RBKS: variants seen among roughly 807,000 people sequenced by gnomAD.
RBKS encodes ribokinase.
Under a neutral mutation model 33.9 loss-of-function variants are expected in RBKS, and 33 were observed. The observed-to-expected ratio is 0.97, with a 90% CI of 0.74 to 1.30. RBKS has a LOEUF of 1.30. Ranked by LOEUF, RBKS falls within the 50% of genes most tolerant of loss-of-function variation. RBKS has a pLI of 0.00. For missense variants in RBKS, 361 were observed against 392.6 expected (o/e 0.92, Z 0.68); for synonymous variants, 125 against 143.0 (o/e 0.87, Z 0.90).
Position 27,781,489 on chromosome 2 carries a change from CTT to C in RBKS, c.*124_*125del. On this transcript the variant is annotated 3_prime_UTR_variant, in exon 8 of 8. Coordinates refer to ENST00000302188, the MANE Select transcript of RBKS (RefSeq NM_022128.3). ...TAAATAAATTGAAGCTTGAGGATGACTTCGTAAAAGAACTAATATTTGCAAAG... is the reference window on the plus strand; with the variant it reads ...TAAATAAATTGAAGCTTGAGGATGACCGTAAAAGAACTAATATTTGCAAAG... 1.4e-6 allele frequency: 1 copy of C among 715,776 alleles called. No individual in the cohort carries two copies. The highest frequency in any genetic ancestry group is 2.3e-5 in the South Asian group (1 of 43,120). 44.3% of individuals were successfully genotyped at this position (715,776 alleles called of 1,614,324 possible).
chr2:27,796,623 C>T (rs193039537), intron 7 of RBKS, among the ~76,000 whole-genome samples: 5 of 152,148 alleles, frequency 3.3e-5, no homozygotes, highest in Admixed American at 2.6e-4. Context: ...AAAACTGGCC[C>T]CATGGAATAC....
At chr2:27,859,798 A>G (rs1345046559) in intron 1 of RBKS, among the ~76,000 whole-genome samples, 1 of 152,214 alleles carries the variant, frequency 6.6e-6, no homozygotes, top group Non-Finnish European at 1.5e-5. Context: ...TACAGGTTAG[A>G]AATTTATATT....
At chr2:27,785,778 A>G (rs1263790515) in intron 7 of RBKS, among the ~76,000 whole-genome samples, 2 of 151,938 alleles carry the variant, frequency 1.3e-5, no homozygotes, top group Non-Finnish European at 2.9e-5. Flanking sequence ...AAAAAAAAGA[A>G]AGAAAGAAAA....
At chr2:27,862,619 C>T (rs182139455) in intron 1 of RBKS, among the ~76,000 whole-genome samples, 4 of 152,300 alleles carry the variant, frequency 2.6e-5, no homozygotes, top group Admixed American at 1.3e-4. Context: ...AGCCAGTGGT[C>T]AACTTGCAAA....
At chr2:27,845,543 A>G (rs2148212860) in intron 4 of RBKS, among the ~76,000 whole-genome samples, 1 of 152,244 alleles carries the variant, frequency 6.6e-6, no homozygotes, top group South Asian at 2.1e-4. Context: ...CAACAACAAC[A>G]ACAACAACAA....
intron 5 of RBKS, among the ~76,000 whole-genome samples, chr2:27,839,037 G>A (rs772604111): frequency 6.6e-5 from 10 of 152,150 alleles, no homozygotes; most frequent in East Asian, 1.9e-4. Context: ...CAGAGAAACC[G>A]GGGAAGAAAA....
At chr2:27,870,231 C>T (rs958627190) in intron 1 of RBKS, 2 of 152,932 alleles carry the variant, frequency 1.3e-5, no homozygotes, top group Non-Finnish European at 2.9e-5. Context: ...CCCATGTTCA[C>T]TTGTCACCCC....
At chr2:27,809,577 C>T (rs1383631674) in intron 7 of RBKS, 3 of 189,638 alleles carry the variant, frequency 1.6e-5, no homozygotes, top group African/African-American at 7.1e-5. Context: ...AAAGGTTGGC[C>T]TTTTGCCTTT....
intron 1 of RBKS, among the ~76,000 whole-genome samples, chr2:27,879,833 T>G (rs1188841484): frequency 6.6e-6 from 1 of 152,034 alleles, no homozygotes; most frequent in African/African-American, 2.4e-5. Context: ...GCTCCGAAAC[T>G]GAATCAGTAA....
chr2:27,806,221 A>C (rs1277492403), intron 7 of RBKS, among the ~76,000 whole-genome samples: 1 of 152,224 alleles, frequency 6.6e-6, no homozygotes, highest in East Asian at 1.9e-4. Context: ...AGCATTTTGT[A>C]GCTACTAGTC....
intron 1 of RBKS, chr2:27,889,873 T>A (rs1467881385): frequency 5.0e-6 from 1 of 198,176 alleles, no homozygotes; most frequent in Non-Finnish European, 1.0e-5. Context: ...ACAACAACCC[T>A]GTGAGGTAGG....
In RBKS at chr2:27,781,778, T is replaced by A; in HGVS notation, c.806A>T (p.Asp269Val). Residue 269 changes from aspartate to valine, a missense_variant, in exon 8 of 8, where the codon GAC (aspartate) becomes GTC (valine). Physicochemically the swap from Asp to Val is radical, Grantham distance 152. Coordinates refer to ENST00000302188, the MANE Select transcript of RBKS (RefSeq NM_022128.3). ...GAAGGCCAGAGCTCCCACAAAGCTG[T>A]CACCAGCACCCTGTAATTGAAAGCA... The part of the protein sequence containing the change: ...VKAVDTTGAG[D>V]SFVGALAFYL... 6.2e-7 allele frequency: 1 copy of A among 1,611,594 alleles called. No individual in the cohort carries two copies. Among genetic ancestry groups the A allele is most frequent in the Non-Finnish European group, 8.5e-7 (1 of 1,178,990 alleles).
At chr2:27,851,514 G>A (rs762783212) in intron 2 of RBKS, among the ~76,000 whole-genome samples, 28 of 151,756 alleles carry the variant, frequency 1.8e-4, no homozygotes, top group Non-Finnish European at 3.5e-4. Flanking sequence ...TTGTAGTCAT[G>A]TTCCATTCTT....
intron 1 of RBKS, among the ~76,000 whole-genome samples, chr2:27,871,775 T>C (rs1390980335): frequency 6.6e-6 from 1 of 152,192 alleles, no homozygotes; most frequent in African/African-American, 2.4e-5. Context: ...TACAGCTTAA[T>C]TGTCATTTGC....
chr2:27,834,679 G>C (rs1220752115), intron 5 of RBKS, among the ~76,000 whole-genome samples: 1 of 152,098 alleles, frequency 6.6e-6, no homozygotes, highest in East Asian at 1.9e-4. Context: ...ACAATATACT[G>C]TTCCCAGTTT....
chr2:27,825,844 GT>G (rs1338040694), intron 7 of RBKS, among the ~76,000 whole-genome samples: 3 of 152,220 alleles, frequency 2.0e-5, no homozygotes, highest in Non-Finnish European at 2.9e-5. Flanking sequence ...CAAAGGGATA[GT>G]AACTAACATG....
At chr2:27,789,085 T>C (rs1344720950) in intron 7 of RBKS, among the ~76,000 whole-genome samples, 1 of 152,200 alleles carries the variant, frequency 6.6e-6, no homozygotes, top group Non-Finnish European at 1.5e-5. Flanking sequence ...TAAGCTACAG[T>C]AATTAGACAG....
At chr2:27,787,635 T>C (rs1222180774) in intron 7 of RBKS, among the ~76,000 whole-genome samples, 1 of 152,024 alleles carries the variant, frequency 6.6e-6, no homozygotes, top group East Asian at 1.9e-4. Flanking sequence ...CAAAGAAAAC[T>C]CTAGACTAGA....
chr2:27,794,474 G>C (rs994559978), intron 7 of RBKS, among the ~76,000 whole-genome samples: 22 of 151,824 alleles, frequency 1.4e-4, no homozygotes, highest in Non-Finnish European at 2.8e-4. Flanking sequence ...GTGGACATCT[G>C]CTACAAATCG....
Sources: gnomAD v4.1 joint callset for allele counts (sites outside exome capture counted in the v4.1 genomes callset) on GRCh38, gnomAD v4.1.1 for gene constraint, MANE v1.5 for transcripts, NCBI Gene and HGNC (gene_info 2026-07-23, HGNC 2026-07-21) for gene names.